The following CRB1 variants were observed in gnomAD, a reference collection of about 807,000 sequenced individuals.
CRB1 encodes the protein crumbs cell polarity complex component 1.
Under a neutral mutation model 120.0 loss-of-function variants are expected in CRB1, and 83 were observed. The ratio of observed to expected loss-of-function variants is 0.69; its 90% CI spans 0.58 to 0.83. The LOEUF is 0.83. CRB1 is among the 40% of genes least tolerant of loss of function. The pLI, the probability that CRB1 is intolerant of heterozygous loss-of-function variation, is 0.00. For synonymous variants in CRB1, 625 were observed against 612.5 expected, an observed-to-expected ratio of 1.02 and a Z score of -0.30; for missense variants, 1,699 against 1,687.6, an observed-to-expected ratio of 1.01 and a Z score of -0.12.
chr1:197,295,728 G>T (rs1656479298), intron 1 of CRB1, among the ~76,000 whole-genome samples: 1 of 152,010 alleles, frequency 6.6e-6, no homozygotes, highest in African/African-American at 2.4e-5. Context: ...TGTTAATGGA[G>T]ATATTTGTCA....
intron 6 of CRB1, among the ~76,000 whole-genome samples, chr1:197,427,118 T>C (rs143675108): frequency 2.0e-5 from 3 of 152,312 alleles, no homozygotes; most frequent in Admixed American, 1.3e-4. Flanking sequence ...ATACCACCAT[T>C]AAGGCCCATA....
chr1:197,237,540 A>C, the CRB1 span, among the ~76,000 whole-genome samples: 13 of 152,224 alleles, frequency 8.5e-5, no homozygotes, highest in Non-Finnish European at 1.9e-4. Context: ...GGAGGGACAC[A>C]AACATTCAGA....
At chr1:197,280,348 C>A (rs1655451068) in intron 1 of CRB1, among the ~76,000 whole-genome samples, 1 of 151,802 alleles carries the variant, frequency 6.6e-6, no homozygotes, top group African/African-American at 2.4e-5. Flanking sequence ...TAAGTAGGTT[C>A]CACCTGTGAA....
At chr1:197,244,192 T>G in the CRB1 span, among the ~76,000 whole-genome samples, 1 of 152,170 alleles carries the variant, frequency 6.6e-6, no homozygotes, top group Non-Finnish European at 1.5e-5. Context: ...TTAATATTGT[T>G]ATGTTTGAAT....
chr1:197,390,571 A>G (rs1005052276), intron 5 of CRB1, among the ~76,000 whole-genome samples: 2 of 152,060 alleles, frequency 1.3e-5, no homozygotes, highest in African/African-American at 4.8e-5. Flanking sequence ...GACCCAGCAT[A>G]CAGAATAGAA....
At chr1:197,453,782 TTATATTATTAA>T (rs1267027956) in intron 11 of CRB1, among the ~76,000 whole-genome samples, 1 of 143,882 alleles carries the variant, frequency 7.0e-6, no homozygotes, top group African/African-American at 2.5e-5. Context: ...ATTATTATTA[TTATATTATTAA>T]TATATTAATA....
intron 1 of CRB1, among the ~76,000 whole-genome samples, chr1:197,287,449 G>T (rs1655891475): frequency 6.6e-6 from 1 of 151,810 alleles, no homozygotes; most frequent in Non-Finnish European, 1.5e-5. Flanking sequence ...CTAACTTAAA[G>T]TAGGGACTTG....
intron 5 of CRB1, among the ~76,000 whole-genome samples, chr1:197,417,035 G>A (rs1382821935): frequency 2.0e-5 from 3 of 152,192 alleles, no homozygotes; most frequent in Admixed American, 2.0e-4. Context: ...TCAGGGATGT[G>A]TGAAAATTCT....
intron 2 of CRB1, among the ~76,000 whole-genome samples, chr1:197,341,621 C>G (rs1659465265): frequency 6.6e-6 from 1 of 152,158 alleles, no homozygotes; most frequent in African/African-American, 2.4e-5. Context: ...GAAAACGTCA[C>G]AGGGAAAAAT....
At chr1:197,466,033 G>T (rs1418960623) in intron 11 of CRB1, among the ~76,000 whole-genome samples, 2 of 152,170 alleles carry the variant, frequency 1.3e-5, no homozygotes, top group African/African-American at 4.8e-5. Context: ...GCCAATTTGA[G>T]TCTGGTCAAT....
chr1:197,362,789 T>G (rs1326135831), intron 5 of CRB1, among the ~76,000 whole-genome samples: 1 of 152,194 alleles, frequency 6.6e-6, no homozygotes, highest in African/African-American at 2.4e-5. Flanking sequence ...TTGTAAACAG[T>G]ATATCAAACA....
the CRB1 span, among the ~76,000 whole-genome samples, chr1:197,252,564 ATATATATATATATATATATGTGTG>A: frequency 4.6e-5 from 2 of 43,708 alleles, no homozygotes; most frequent in South Asian, 9.7e-4. Context: ...ATATATATAT[ATATATATATATATATATATGTGTG>A]TGTGTGTGTG....
chr1:197,452,747 A>G (rs1666032713), intron 11 of CRB1, among the ~76,000 whole-genome samples: 1 of 152,182 alleles, frequency 6.6e-6, no homozygotes, highest in Non-Finnish European at 1.5e-5. Context: ...CAAACCCTGT[A>G]AGTTGATTCC....
chr1:197,310,045 T>C (rs1484339301), intron 1 of CRB1, among the ~76,000 whole-genome samples: 1 of 152,222 alleles, frequency 6.6e-6, no homozygotes, highest in Admixed American at 6.5e-5. Flanking sequence ...TTCTTTTAAC[T>C]TTTTTATTTG....
At chr1:197,363,725 C>T in intron 5 of CRB1, 1 of 503,262 alleles carries the variant, frequency 2.0e-6, no homozygotes, top group Non-Finnish European at 3.7e-6. Flanking sequence ...TGGTTGTTGG[C>T]ATCCTGTGGT....
intron 1 of CRB1, among the ~76,000 whole-genome samples, chr1:197,301,560 A>G (rs1313061798): frequency 2.6e-5 from 4 of 152,192 alleles, no homozygotes; most frequent in Non-Finnish European, 1.5e-5. Flanking sequence ...ATTGCAAACC[A>G]TCTGGGAAGG....
chr1:197,232,347 T>G, the CRB1 span, among the ~76,000 whole-genome samples: 4 of 152,062 alleles, frequency 2.6e-5, no homozygotes, highest in Non-Finnish European at 5.9e-5. Flanking sequence ...CTTAAAGAAC[T>G]GGGCCAACTG....
intron 5 of CRB1, among the ~76,000 whole-genome samples, chr1:197,365,628 T>TC (rs199912000): frequency 2.1e-4 from 26 of 123,420 alleles, no homozygotes; most frequent in African/African-American, 1.1e-3. Flanking sequence ...TTCTTCTTCT[T>TC]TTTTTTTTTT....
the CRB1 span, among the ~76,000 whole-genome samples, chr1:197,233,489 G>A: frequency 1.3e-5 from 2 of 152,184 alleles, no homozygotes; most frequent in Non-Finnish European, 2.9e-5. Context: ...CCTCTACTGT[G>A]AACTCCAGAA....
Sources: allele counts gnomAD v4.1 joint callset (sites outside exome capture counted in the v4.1 genomes callset), GRCh38; gene constraint gnomAD v4.1.1; transcripts MANE v1.5; gene names NCBI Gene and HGNC (gene_info 2026-07-23, HGNC 2026-07-21).